TTC39A: variants seen among roughly 807,000 people sequenced by gnomAD.
TTC39A encodes the protein tetratricopeptide repeat domain 39A.
Under a neutral mutation model 82.3 loss-of-function variants are expected in TTC39A, and 46 were observed. The ratio of observed to expected loss-of-function variants is 0.56; its 90% CI spans 0.44 to 0.71. TTC39A has a LOEUF of 0.71. TTC39A is among the 30% of genes least tolerant of loss of function. TTC39A has a pLI of 0.00. For synonymous variants in TTC39A, 254 were observed against 275.2 expected (o/e 0.92, Z 0.76); for missense variants, 543 against 712.9 (o/e 0.76, Z 2.71).
intron 11 of TTC39A, 115 bp downstream of exon 11, chr1:51,302,242 C>CA: frequency 1.8e-6 from 1 of 562,480 alleles, no homozygotes; most frequent in Non-Finnish European, 3.4e-6. Flanking sequence ...CTCTCTTGGC[C>CA]CCCCCCCCGC....
intron 1 of TTC39A, among the ~76,000 whole-genome samples, chr1:51,337,954 C>T (rs1397837905): frequency 1.3e-5 from 2 of 152,156 alleles, no homozygotes; most frequent in East Asian, 3.9e-4. Context: ...AGTGATCCTC[C>T]TGAGTAGCTG....
chr1:51,338,636 C>T (rs1394593415), intron 1 of TTC39A, among the ~76,000 whole-genome samples: 1 of 127,784 alleles, frequency 7.8e-6, no homozygotes, highest in African/African-American at 3.0e-5. Context: ...CAGAGTCTTA[C>T]TCTGTTGTCC....
At chr1:51,322,111 A>G in intron 1 of TTC39A, 1 of 1,552,482 alleles carries the variant, frequency 6.4e-7, no homozygotes, top group Non-Finnish European at 8.7e-7. Context: ...GGAATCAATG[A>G]TCTTACCCTC....
Position 51,294,212 on chromosome 1 carries a change from A to G in TTC39A, c.1266+179T>C, listed in dbSNP as rs369336281. Among the ~76,000 whole-genome samples, 211 of 152,214 alleles carry G rather than the reference A, an allele frequency of 1.4e-3. 1 individual carries two copies. Among genetic ancestry groups the G allele is most frequent in the Admixed American group, 2.8e-3 (43 of 15,296 alleles). Reference sequence around the variant, plus strand: ...GCCTGTCTCTCCACTCTCAGCCCCAATGGACCCTCTCTAAGGGGCAGGGGC... The same window carrying G: ...GCCTGTCTCTCCACTCTCAGCCCCAGTGGACCCTCTCTAAGGGGCAGGGGC... On this transcript the variant is annotated intron_variant, in intron 14 of 17. Coordinates refer to ENST00000680483, the MANE Select transcript of TTC39A (RefSeq NM_001297663.2). This position sits in a 1 kb window ranked among gnomAD's most constrained non-coding sequence, Gnocchi z 4.3.
intron 2 of TTC39A, among the ~76,000 whole-genome samples, chr1:51,316,320 C>T (rs940016112): frequency 2.6e-5 from 4 of 152,100 alleles, no homozygotes; most frequent in Non-Finnish European, 5.9e-5. Flanking sequence ...TAAAGGATGC[C>T]GCCGCCTTCC....
intron 2 of TTC39A, among the ~76,000 whole-genome samples, chr1:51,320,730 G>C (rs749778926): frequency 1.3e-5 from 2 of 150,076 alleles, no homozygotes; most frequent in Non-Finnish European, 3.0e-5. Context: ...TGGGATTATA[G>C]TCATGAGCCA....
intron 12 of TTC39A, chr1:51,297,715 C>G (rs1265993409): frequency 2.0e-5 from 3 of 152,508 alleles, no homozygotes; most frequent in Non-Finnish European, 2.9e-5. Context: ...GGATGTCTTT[C>G]TGCTGTCCTG....
rs146778022 is a variant in TTC39A, at chr1:51,307,459, C to T, written c.489-1383G>A. ...AGATAAAGATGATAAATAGGCCAGG[C>T]GTGGTGGCTCACGCCTGTAATCCCA... On this transcript the variant is annotated intron_variant, in intron 6 of 17. Coordinates refer to ENST00000680483, the MANE Select transcript of TTC39A (RefSeq NM_001297663.2). Among the ~76,000 whole-genome samples the T allele has an allele frequency of 2.2e-3, 339 of 152,222 alleles. 9 individuals are homozygous for T. The highest frequency in any genetic ancestry group is 7.6e-3 in the African/African-American group (317 of 41,538).
chr1:51,300,837 C>G (rs2148166597), intron 12 of TTC39A: 1 of 152,394 alleles, frequency 6.6e-6, no homozygotes, highest in South Asian at 2.1e-4. Context: ...TCCCACCCCT[C>G]TGTTCCAGGC....
chr1:51,343,146 C>T, intron 1 of TTC39A: 1 of 443,784 alleles, frequency 2.3e-6, no homozygotes, highest in Admixed American at 2.4e-5. Flanking sequence ...ATGTCCTCAT[C>T]AAAACTGAAA....
At chr1:51,307,785 T>C (rs1219779345) in intron 6 of TTC39A, among the ~76,000 whole-genome samples, 3 of 152,274 alleles carry the variant, frequency 2.0e-5, no homozygotes, top group South Asian at 4.1e-4. Context: ...TTTTTTCATT[T>C]TGTTTTTACT....
upstream of TTC39A, among the ~76,000 whole-genome samples, chr1:51,336,023 C>T (rs907091452): frequency 1.3e-5 from 2 of 151,666 alleles, no homozygotes; most frequent in Non-Finnish European, 1.5e-5. Context: ...TGGCATGAAG[C>T]GCCCCCTCCC....
intron 13 of TTC39A, among the ~76,000 whole-genome samples, chr1:51,295,177 A>G (rs1364564218): frequency 2.6e-5 from 4 of 152,208 alleles, no homozygotes; most frequent in Admixed American, 2.6e-4. Flanking sequence ...TATTCACTGT[A>G]GAACCTCTCT....
chr1:51,287,962 C>A lies in TTC39A; in HGVS notation c.*195G>T. 1.2e-6 allele frequency: 1 copy of A among 839,420 alleles called. No homozygotes were observed. Among genetic ancestry groups the A allele is most frequent in the South Asian group, 2.0e-5 (1 of 50,490 alleles). The allele number at this position is 839,420 out of a possible 1,614,324, so 52.0% of individuals were successfully genotyped here. A position where few individuals can be genotyped will look rare whatever the true frequency, so the allele number is the denominator to read the frequency against. On this transcript the variant is annotated 3_prime_UTR_variant, in exon 18 of 18. Transcript: ENST00000680483. ...GGCAGAGGGCTCCACCTGCTCTGCCCTTGGCAAAGGCCCTTGGCTACACTG... is the reference window on the plus strand; with the variant it reads ...GGCAGAGGGCTCCACCTGCTCTGCCATTGGCAAAGGCCCTTGGCTACACTG...
intron 1 of TTC39A, among the ~76,000 whole-genome samples, chr1:51,336,589 T>C (rs909439677): frequency 2.0e-5 from 3 of 152,136 alleles, no homozygotes; most frequent in East Asian, 3.8e-4. Flanking sequence ...TTTCCAGCAT[T>C]GATGGCAACC....
rs1644172348 is a variant in TTC39A, at chr1:51,290,597, G to A, written c.1295C>T (p.Ala432Val). ...LEMMYIWNGY[A>V]VIGKQPKLTD... is the part of the protein sequence containing the mutation. ...GAGTTTCGGCTGCTTCCCAATCACG[G>A]CGTAGCCGTTCCAGATGTACATCAT... The change falls in exon 15 of 18, where the codon GCC (alanine) becomes GTC (valine). Residue 432 changes from alanine (A) to valine (V), a missense_variant. Ala to Val is a moderately conservative substitution (Grantham distance 64). Coordinates refer to ENST00000680483, the MANE Select transcript of TTC39A (RefSeq NM_001297663.2). 6.2e-7 allele frequency: 1 copy of A among 1,613,764 alleles called. No individual in the cohort carries two copies. Among genetic ancestry groups the A allele is most frequent in the Non-Finnish European group, 8.5e-7 (1 of 1,179,790 alleles).
At chr1:51,317,015 G>A (rs901766373) in intron 2 of TTC39A, among the ~76,000 whole-genome samples, 10 of 152,220 alleles carry the variant, frequency 6.6e-5, no homozygotes, top group Non-Finnish European at 1.2e-4. Flanking sequence ...CCCAGAGACA[G>A]TGCGTCAGGT....
upstream of TTC39A, among the ~76,000 whole-genome samples, chr1:51,333,650 C>T (rs1416019778): frequency 6.6e-6 from 1 of 152,232 alleles, no homozygotes; most frequent in Admixed American, 6.5e-5. Flanking sequence ...CCCTTTGCAC[C>T]CACTGCCCTA....
chr1:51,296,243 G>T (rs543720181), intron 12 of TTC39A, 73 bp from the exon 13 acceptor site: 59 of 1,444,290 alleles, frequency 4.1e-5, no homozygotes, highest in Non-Finnish European at 5.6e-5. Flanking sequence ...ATCTGCAGAC[G>T]GACCTCACGT....
Sources: allele counts gnomAD v4.1 joint callset (sites outside exome capture counted in the v4.1 genomes callset), GRCh38; gene constraint gnomAD v4.1.1; non-coding constraint Gnocchi (gnomAD v3.1); transcripts MANE v1.5; gene names NCBI Gene and HGNC (gene_info 2026-07-23, HGNC 2026-07-21).